The following LRRTM4 variants were observed in gnomAD, a reference collection of about 807,000 sequenced individuals.
The protein encoded by LRRTM4 is leucine-rich repeat transmembrane neuronal protein 4.
Under a neutral mutation model 47.6 loss-of-function variants are expected in LRRTM4, and 25 were observed. That is an observed-to-expected ratio of 0.53 (90% CI 0.38 to 0.73). LRRTM4 has a LOEUF of 0.73. LRRTM4 is among the 30% of genes least tolerant of loss of function. The probability of loss-of-function intolerance (pLI) is 0.00; values close to 1 mark genes in which losing one functional copy is unlikely to be tolerated. For missense variants in LRRTM4, 638 were observed against 713.4 expected (o/e 0.89, Z 1.20); for synonymous variants, 311 against 269.5 (o/e 1.15, Z -1.51).
intron 3 of LRRTM4, among the ~76,000 whole-genome samples, chr2:77,061,665 A>G (rs776488743): frequency 1.3e-5 from 2 of 152,164 alleles, no homozygotes; most frequent in Non-Finnish European, 2.9e-5. Flanking sequence ...ATATACATAT[A>G]TATGTATCAA....
chr2:77,045,754 AT>A (rs1049262045), intron 3 of LRRTM4, among the ~76,000 whole-genome samples: 1 of 151,638 alleles, frequency 6.6e-6, no homozygotes, highest in African/African-American at 2.4e-5. Flanking sequence ...AGTCCAATTA[AT>A]TTTTTTTCTT....
intron 3 of LRRTM4, among the ~76,000 whole-genome samples, chr2:77,025,295 T>TA (rs1372379702): frequency 1.3e-5 from 2 of 152,182 alleles, no homozygotes; most frequent in African/African-American, 4.8e-5. Flanking sequence ...AAAATCTAGA[T>TA]ACCCTCTTTT....
At chr2:77,305,361 C>A (rs958761953) in intron 3 of LRRTM4, among the ~76,000 whole-genome samples, 3 of 152,066 alleles carry the variant, frequency 2.0e-5, no homozygotes, top group South Asian at 2.1e-4. Context: ...AAGAGATGTG[C>A]TTGAATTTAA....
At chr2:76,988,317 G>A (rs898059944) in intron 3 of LRRTM4, among the ~76,000 whole-genome samples, 2 of 151,800 alleles carry the variant, frequency 1.3e-5, no homozygotes, top group African/African-American at 2.4e-5. Context: ...TTACATGTCC[G>A]TGGTAGGCCA....
chr2:76,944,865 A>G lies in LRRTM4; in HGVS notation c.1552-195949T>C, dbSNP rs193263222. ...AAAACAATCAGAATAATCTATTTGT[A>G]AAGGTTAAATCTATATTACTCAGGA... On this transcript the variant is annotated intron_variant, in intron 3 of 3. Transcript: ENST00000409884. 2.2e-3 allele frequency among the ~76,000 whole-genome samples: 334 copies of G among 152,214 alleles called. 5 individuals are homozygous for G. The highest frequency in any genetic ancestry group is 6.8e-3 in the African/African-American group (281 of 41,560).
chr2:77,307,647 TCTATATATTATAGA>T (rs1558680331), intron 3 of LRRTM4, among the ~76,000 whole-genome samples: 81 of 50,298 alleles, frequency 1.6e-3, no homozygotes, highest in African/African-American at 0.015. Context: ...TATAGATATA[TCTATATATTATAGA>T]AATATAAATA....
chr2:77,068,411 T>C (rs371450077), intron 3 of LRRTM4, among the ~76,000 whole-genome samples: 1 of 152,194 alleles, frequency 6.6e-6, no homozygotes, highest in South Asian at 2.1e-4. Context: ...TTTTGGACCA[T>C]TTCCTACACT....
intron 3 of LRRTM4, among the ~76,000 whole-genome samples, chr2:77,015,403 C>G (rs959250958): frequency 6.6e-6 from 1 of 152,096 alleles, no homozygotes; most frequent in African/African-American, 2.4e-5. Flanking sequence ...GTGGTGCGAT[C>G]TTAGCTCACT....
chr2:77,237,669 A>C (rs1675141314), intron 3 of LRRTM4, among the ~76,000 whole-genome samples: 1 of 152,142 alleles, frequency 6.6e-6, no homozygotes, highest in Admixed American at 6.6e-5. Context: ...CAAGTTTATT[A>C]ATAAGATTCA....
chr2:76,867,812 C>A (rs555439196), intron 3 of LRRTM4, among the ~76,000 whole-genome samples: 4 of 152,230 alleles, frequency 2.6e-5, no homozygotes, highest in Admixed American at 2.0e-4. Context: ...CTATCAGGTA[C>A]ACCCTTTCCC....
chr2:76,916,372 G>T (rs1361367589), intron 3 of LRRTM4, among the ~76,000 whole-genome samples: 1 of 106,808 alleles, frequency 9.4e-6, no homozygotes, highest in African/African-American at 4.0e-5. Context: ...GCGACAGAGC[G>T]AGACTGTGTC....
chr2:76,926,896 T>A (rs765953538), intron 3 of LRRTM4, among the ~76,000 whole-genome samples: 7 of 152,244 alleles, frequency 4.6e-5, no homozygotes, highest in Non-Finnish European at 1.0e-4. Context: ...CCCTAAAACC[T>A]ATCAGAAAAG....
chr2:76,789,476 T>C (rs1417181366), intron 3 of LRRTM4, among the ~76,000 whole-genome samples: 1 of 152,210 alleles, frequency 6.6e-6, no homozygotes, highest in East Asian at 1.9e-4. Flanking sequence ...GGAGGGCTTC[T>C]GGCTTGATAA....
At chr2:77,467,082 T>G (rs1027891847) in intron 3 of LRRTM4, among the ~76,000 whole-genome samples, 1 of 152,182 alleles carries the variant, frequency 6.6e-6, no homozygotes, top group African/African-American at 2.4e-5. Context: ...ATGCTAACTT[T>G]TTGTTTAATA....
chr2:77,400,179 A>C (rs1411910121), intron 3 of LRRTM4, among the ~76,000 whole-genome samples: 1 of 151,716 alleles, frequency 6.6e-6, no homozygotes, highest in Non-Finnish European at 1.5e-5. Context: ...TCTTCTTGAA[A>C]TGCTTTCTTG....
At chr2:77,193,387 T>G (rs2103883485) in intron 3 of LRRTM4, among the ~76,000 whole-genome samples, 1 of 152,320 alleles carries the variant, frequency 6.6e-6, no homozygotes, top group South Asian at 2.1e-4. Context: ...AATTTTATTG[T>G]TGAAAAAATT....
At chr2:77,129,151 C>T (rs920738944) in intron 3 of LRRTM4, among the ~76,000 whole-genome samples, 4 of 152,168 alleles carry the variant, frequency 2.6e-5, no homozygotes, top group Non-Finnish European at 5.9e-5. Context: ...GCACCATGAA[C>T]TCATGTATAT....
chr2:77,365,611 A>G (rs1037720373), intron 3 of LRRTM4, among the ~76,000 whole-genome samples: 1 of 151,864 alleles, frequency 6.6e-6, no homozygotes, highest in Non-Finnish European at 1.5e-5. Flanking sequence ...ACCTGTTAAT[A>G]TATGCAAATA....
intron 3 of LRRTM4, among the ~76,000 whole-genome samples, chr2:77,156,500 A>G (rs1464499026): frequency 1.3e-5 from 2 of 152,070 alleles, no homozygotes; most frequent in African/African-American, 2.4e-5. Context: ...AGCTTTATGT[A>G]GTAAAAGGGA....
Sources: gnomAD v4.1 joint callset for allele counts (sites outside exome capture counted in the v4.1 genomes callset) on GRCh38, gnomAD v4.1.1 for gene constraint, MANE v1.5 for transcripts, NCBI Gene and HGNC (gene_info 2026-07-23, HGNC 2026-07-21) for gene names.